Variants in AKT3 observed in about 807,000 individuals in gnomAD.
AKT3 encodes the protein RAC-gamma serine/threonine-protein kinase.
In AKT3, 15 loss-of-function variants were observed where a neutral mutation model predicts 65.3. The ratio of observed to expected loss-of-function variants is 0.23; its 90% CI spans 0.15 to 0.35. The LOEUF is 0.35. Ranked by LOEUF, AKT3 falls within the 10% of genes least tolerant of loss-of-function variation. The pLI, the probability that AKT3 is intolerant of heterozygous loss-of-function variation, is 1.00. For missense variants in AKT3, 243 were observed against 576.5 expected (o/e 0.42, Z 5.92); for synonymous variants, 206 against 183.8 (o/e 1.12, Z -0.98).
At chr1:243,747,767 C>CA (rs887861527) in intron 2 of AKT3, among the ~76,000 whole-genome samples, 6 of 151,558 alleles carry the variant, frequency 4.0e-5, no homozygotes, top group South Asian at 4.2e-4. Flanking sequence ...TCCATAAACA[C>CA]AAAAAAAATC....
intron 1 of AKT3, among the ~76,000 whole-genome samples, chr1:243,844,935 T>C (rs577301926): frequency 6.6e-6 from 1 of 152,216 alleles, no homozygotes; most frequent in East Asian, 1.9e-4. Flanking sequence ...GACCAAAAAA[T>C]GTGGTCCAGG....
At chr1:243,744,547 G>A (rs1037911890) in intron 2 of AKT3, among the ~76,000 whole-genome samples, 9 of 151,892 alleles carry the variant, frequency 5.9e-5, no homozygotes, top group Admixed American at 2.0e-4. Flanking sequence ...AGACCATCCC[G>A]GCTAAAACGG....
intron 2 of AKT3, among the ~76,000 whole-genome samples, chr1:243,817,042 T>G (rs941076566): frequency 2.0e-5 from 3 of 152,196 alleles, no homozygotes; most frequent in Non-Finnish European, 4.4e-5. Context: ...TCTTAGAAGT[T>G]AGTAACATGC....
intron 2 of AKT3, among the ~76,000 whole-genome samples, chr1:243,704,032 T>TA (rs1383896846): frequency 6.6e-6 from 1 of 152,194 alleles, no homozygotes; most frequent in Non-Finnish European, 1.5e-5. Context: ...TGAAAAGTGT[T>TA]AAATTCTATT....
chr1:243,706,870 C>T (rs936096493), intron 2 of AKT3, among the ~76,000 whole-genome samples: 18 of 152,232 alleles, frequency 1.2e-4, no homozygotes, highest in African/African-American at 3.6e-4. Flanking sequence ...GACACTGGGA[C>T]AAGCTAGTAA....
chr1:243,847,079 G>A (rs896122955), intron 1 of AKT3, among the ~76,000 whole-genome samples: 1 of 152,182 alleles, frequency 6.6e-6, no homozygotes, highest in Non-Finnish European at 1.5e-5. Flanking sequence ...AAGAAGGTAT[G>A]CTGTGTGACC....
At chr1:243,674,522 A>G (rs1683369915) in intron 3 of AKT3, among the ~76,000 whole-genome samples, 1 of 152,214 alleles carries the variant, frequency 6.6e-6, no homozygotes, top group Admixed American at 6.5e-5. Context: ...GAGGTAGAGG[A>G]AAAGTTAAAT....
intron 3 of AKT3, among the ~76,000 whole-genome samples, chr1:243,683,281 C>T (rs183381553): frequency 8.9e-4 from 135 of 152,226 alleles, no homozygotes; most frequent in Non-Finnish European, 1.6e-3. Context: ...AGGTTGGTTT[C>T]CTTATTTCCT....
chr1:243,503,586 G>A lies in AKT3; in HGVS notation c.*1663C>T, dbSNP rs1669476211. On this transcript the variant is annotated 3_prime_UTR_variant, in exon 14 of 14. Coordinates refer to ENST00000673466, the MANE Select transcript of AKT3 (RefSeq NM_005465.7). ...AAATTGTCAGCTCCTAGCACCAAAG[G>A]GTTTAATCTGAAGATCATCATTAAT... is the stretch of plus-strand genomic sequence containing the variant. 1.3e-5 allele frequency: 3 copies of A among 233,104 alleles called. No homozygotes were observed. Among genetic ancestry groups the A allele is most frequent in the Non-Finnish European group, 1.7e-5 (2 of 117,748 alleles). The allele number at this position is 233,104 out of a possible 1,614,324, so 14.4% of individuals were successfully genotyped here.
At chr1:243,775,077 G>A (rs1690461167) in intron 2 of AKT3, among the ~76,000 whole-genome samples, 1 of 151,862 alleles carries the variant, frequency 6.6e-6, no homozygotes, top group Non-Finnish European at 1.5e-5. Flanking sequence ...TCCCCAGTAT[G>A]GTCTCACACT....
intron 2 of AKT3, among the ~76,000 whole-genome samples, chr1:243,837,381 T>C (rs1336309280): frequency 1.3e-5 from 2 of 152,140 alleles, no homozygotes; most frequent in Non-Finnish European, 2.9e-5. Context: ...CTGATACATT[T>C]TGTCAAACAC....
intron 8 of AKT3, among the ~76,000 whole-genome samples, chr1:243,595,253 G>A (rs1449705847): frequency 6.6e-6 from 1 of 152,102 alleles, no homozygotes; most frequent in Non-Finnish European, 1.5e-5. Flanking sequence ...ATCTAGAAAA[G>A]TACAGTAAAA....
intron 3 of AKT3, among the ~76,000 whole-genome samples, chr1:243,678,983 C>T (rs894744932): frequency 1.3e-5 from 2 of 152,094 alleles, no homozygotes; most frequent in Admixed American, 1.3e-4. Context: ...ATCTCTGCCA[C>T]CCGAGACAGA....
At chr1:243,771,789 T>C (rs900271399) in intron 2 of AKT3, among the ~76,000 whole-genome samples, 4 of 152,126 alleles carry the variant, frequency 2.6e-5, no homozygotes, top group East Asian at 1.9e-4. Flanking sequence ...CTTCAAACTA[T>C]ACTACAAGGC....
chr1:243,749,146 A>G (rs1188617202), intron 2 of AKT3, among the ~76,000 whole-genome samples: 3 of 151,784 alleles, frequency 2.0e-5, no homozygotes, highest in African/African-American at 7.3e-5. Context: ...ATCATTCTAT[A>G]TTTTTCTAAT....
intron 2 of AKT3, among the ~76,000 whole-genome samples, chr1:243,701,620 C>T (rs1685464640): frequency 1.4e-5 from 2 of 140,852 alleles, no homozygotes; most frequent in Admixed American, 1.5e-4. Flanking sequence ...TTAGAAACAA[C>T]ACAATCACCA....
At chr1:243,767,889 T>C (rs1470679006) in intron 2 of AKT3, among the ~76,000 whole-genome samples, 1 of 152,032 alleles carries the variant, frequency 6.6e-6, no homozygotes. Flanking sequence ...ATATTTACTA[T>C]TTGCTTACAG....
intron 2 of AKT3, among the ~76,000 whole-genome samples, chr1:243,748,400 G>A (rs1310922282): frequency 1.3e-5 from 2 of 151,856 alleles, no homozygotes; most frequent in Admixed American, 1.3e-4. Context: ...CCTTCTAGTT[G>A]ATAGGAAGGC....
intron 12 of AKT3, among the ~76,000 whole-genome samples, chr1:243,526,991 A>C (rs956485357): frequency 1.3e-5 from 2 of 152,146 alleles, no homozygotes; most frequent in African/African-American, 4.8e-5. Context: ...AAAAATTAAC[A>C]AAAGAATAAC....
Sources: allele counts gnomAD v4.1 joint callset (sites outside exome capture counted in the v4.1 genomes callset), GRCh38; gene constraint gnomAD v4.1.1; transcripts MANE v1.5; gene names NCBI Gene and HGNC (gene_info 2026-07-23, HGNC 2026-07-21).